ZNF841: variants seen among roughly 807,000 people sequenced by gnomAD.
ZNF841 encodes the protein zinc finger protein 841.
In ZNF841, 11 loss-of-function variants were observed where a neutral mutation model predicts 13.0. The ratio of observed to expected loss-of-function variants is 0.85; its 90% CI spans 0.53 to 1.40. The LOEUF (loss-of-function observed/expected upper bound fraction) is 1.40. Among genes scored for constraint, ZNF841 ranks in the 40% most tolerant of loss-of-function variants. The pLI is 0.00. For missense variants in ZNF841, 1,068 were observed against 1,139.5 expected, an observed-to-expected ratio of 0.94 and a Z score of 0.90; for synonymous variants, 369 against 381.6, an observed-to-expected ratio of 0.97 and a Z score of 0.38.
At chr19:52,067,918 C>T (rs1204175785) in intron 6 of ZNF841, among the ~76,000 whole-genome samples, 1 of 152,032 alleles carries the variant, frequency 6.6e-6, no homozygotes, top group Non-Finnish European at 1.5e-5. Context: ...CCAAATGACA[C>T]ACCAATTGGC....
rs563513472 is a variant in ZNF841 at position 52,067,870 on chromosome 19, A to C, written c.272-260T>G. Among the ~76,000 whole-genome samples, 6 of 152,292 alleles carry C rather than the reference A, an allele frequency of 3.9e-5. No homozygotes were observed. The South Asian group carries it at 1.2e-3, about 32-fold the overall frequency. ...CAAAAGACTCATGTTATGCAAACAT[A>C]TATGAGCACCAAAACAAGTATTTTG... On this transcript the variant is annotated intron_variant, in intron 6 of 6. Transcript: ENST00000594440.
Position 52,084,823 on chromosome 19 carries a change from C to A in ZNF841, c.-22G>T. ...CCATCCCTGGCTCCTTTTCTTTCTT[C>A]TTTCTCTCCTGGGCCTCTCTCTCAG... On this transcript the variant is annotated 5_prime_UTR_variant, in exon 4 of 7. Transcript: ENST00000594440. The A allele has an allele frequency of 6.2e-7, 1 of 1,611,988 alleles. No homozygotes were observed. Among genetic ancestry groups the A allele is most frequent in the Non-Finnish European group, 8.5e-7 (1 of 1,178,988 alleles).
intron 6 of ZNF841, among the ~76,000 whole-genome samples, chr19:52,073,918 C>T (rs538861387): frequency 2.6e-5 from 4 of 152,142 alleles, no homozygotes; most frequent in Admixed American, 1.3e-4. Context: ...TAACAAAGAA[C>T]GATCAATCTA....
At position 52,064,476 on chromosome 19, in the gene ZNF841, G is replaced by C. The variant is rs556382986; in HGVS notation, c.*631C>G. ...TACCTGAGGCTAGGTAATGTATAAA[G>C]AGGTTTAATTGACTCACAATTTTGC... On this transcript the variant is annotated 3_prime_UTR_variant, in exon 7 of 7. Coordinates refer to ENST00000594440, the MANE Select transcript of ZNF841 (RefSeq NM_001136499.2). 1.3e-5 allele frequency: 2 copies of C among 149,130 alleles called. No individual in the cohort carries two copies. The highest frequency in any genetic ancestry group is 4.3e-4 in the South Asian group (2 of 4,656). 9.2% of individuals were successfully genotyped at this position (149,130 alleles called of 1,614,324 possible).
At chr19:52,070,942 G>A (rs1285282270) in intron 6 of ZNF841, among the ~76,000 whole-genome samples, 8 of 152,134 alleles carry the variant, frequency 5.3e-5, no homozygotes, top group African/African-American at 1.9e-4. Context: ...GTTAGGAAAG[G>A]CCCAGGAGGA....
intron 2 of ZNF841, among the ~76,000 whole-genome samples, chr19:52,090,663 G>GAAAGAAAGA (rs2088451414): frequency 8.0e-6 from 1 of 124,280 alleles, no homozygotes; most frequent in African/African-American, 3.1e-5. Context: ...AGGAAAGAAA[G>GAAAGAAAGA]AAAGAAAGAA....
intron 4 of ZNF841, among the ~76,000 whole-genome samples, chr19:52,080,283 T>C (rs1187961924): frequency 2.6e-5 from 4 of 152,124 alleles, no homozygotes; most frequent in Admixed American, 2.6e-4. Context: ...AGTGAAATGA[T>C]TTTAACAACA....
At chr19:52,067,823 C>T (rs12459296) in intron 6 of ZNF841, among the ~76,000 whole-genome samples, 1 of 151,894 alleles carries the variant, frequency 6.6e-6, no homozygotes, top group Admixed American at 6.6e-5. Flanking sequence ...TTAGGAAAGC[C>T]TAGTTTCAAA....
chr19:52,076,734 G>T (rs939481709), intron 5 of ZNF841, among the ~76,000 whole-genome samples: 8 of 151,604 alleles, frequency 5.3e-5, no homozygotes, highest in South Asian at 2.1e-4. Flanking sequence ...GGTTTTACAC[G>T]TACCTCAGCT....
At chr19:52,062,596 G>A (rs981672595), downstream of ZNF841, among the ~76,000 whole-genome samples, 1 of 152,146 alleles carries the variant, frequency 6.6e-6, no homozygotes, top group Non-Finnish European at 1.5e-5. Flanking sequence ...AATGAAAGAT[G>A]TGTAGGAAAG....
At chr19:52,085,960 C>T (rs2088260202) in intron 3 of ZNF841, among the ~76,000 whole-genome samples, 1 of 152,158 alleles carries the variant, frequency 6.6e-6, no homozygotes, top group Admixed American at 6.5e-5. Flanking sequence ...CAAATATATG[C>T]TGACATGTAA....
downstream of ZNF841, among the ~76,000 whole-genome samples, chr19:52,059,634 C>T (rs912272590): frequency 3.3e-5 from 5 of 151,566 alleles, no homozygotes; most frequent in African/African-American, 1.2e-4. Flanking sequence ...GGCAACATGA[C>T]GAAACCTCAT....
chr19:52,067,694 A>C, intron 6 of ZNF841, 84 bp from the exon 7 acceptor site: 1 of 959,990 alleles, frequency 1.0e-6, no homozygotes, highest in Non-Finnish European at 1.4e-6. Context: ...TACGCTAAAC[A>C]TAATGTTTAT....
chr19:52,076,901 G>GA, intron 5 of ZNF841, 57 bp downstream of exon 5: 1 of 1,594,592 alleles, frequency 6.3e-7, no homozygotes, highest in East Asian at 2.3e-5. Context: ...ACACAATAAG[G>GA]AAAGTACAAA....
At chr19:52,090,654 G>GGAAGGAAGGAAGGAAGGAAGGAAGGAAA (rs1183196348) in intron 2 of ZNF841, among the ~76,000 whole-genome samples, 6 of 84,650 alleles carry the variant, frequency 7.1e-5, no homozygotes, top group African/African-American at 3.0e-4. Flanking sequence ...AAGGAAGGAA[G>GGAAGGAAGGAAGGAAGGAAGGAAGGAAA]GAAAGAAAGA....
chr19:52,064,188 C>CA (rs1190274882), downstream of ZNF841, among the ~76,000 whole-genome samples: 1 of 149,744 alleles, frequency 6.7e-6, no homozygotes, highest in Non-Finnish European at 1.5e-5. Flanking sequence ...ACTAAAAATA[C>CA]AAAAAAAATT....
In ZNF841 at chr19:52,064,920, C is replaced by T; in HGVS notation, c.*187G>A. The T allele has an allele frequency of 2.1e-6, 1 of 466,586 alleles. No individual in the cohort carries two copies. The highest frequency in any genetic ancestry group is 3.9e-5 in the Admixed American group (1 of 25,702). 28.9% of individuals were successfully genotyped at this position (466,586 alleles called of 1,614,324 possible). A position where few individuals can be genotyped will look rare whatever the true frequency, so the allele number is the denominator to read the frequency against. On this transcript the variant is annotated 3_prime_UTR_variant, in exon 7 of 7. Coordinates refer to ENST00000594440, the MANE Select transcript of ZNF841 (RefSeq NM_001136499.2). ...AAGTGCTGGGATTACAGGCATGAGC[C>T]AGACCTCATGAGAACTATCACAAGG...
chr19:52,090,792 T>C (rs530143932), intron 2 of ZNF841, among the ~76,000 whole-genome samples: 4 of 152,248 alleles, frequency 2.6e-5, no homozygotes, highest in Admixed American at 1.3e-4. Flanking sequence ...CTGAAGGCTA[T>C]ATGATTAAAC....
chr19:52,065,366 T>C lies in ZNF841; in HGVS notation c.2516A>G (p.His839Arg). ...AFIERSNLVY[H>R]QRNHTGEKPY... ...CTTCTCTCCAGTATGGTTTCTCTGA[T>C]GGTAAACCAAGTTTGACCTTTCGAT... is the stretch of plus-strand genomic sequence containing the variant. Residue 839 changes from histidine to arginine, a missense_variant, in exon 7 of 7, where the codon CAT becomes CGT. His to Arg is a conservative substitution (Grantham distance 29). Transcript: ENST00000594440. 3 of 1,607,914 alleles carry C rather than the reference T, an allele frequency of 1.9e-6. No individual in the cohort carries two copies. Among genetic ancestry groups the C allele is most frequent in the Non-Finnish European group, 2.5e-6 (3 of 1,176,648 alleles).
Sources: gnomAD v4.1 joint callset for allele counts (sites outside exome capture counted in the v4.1 genomes callset) on GRCh38, gnomAD v4.1.1 for gene constraint, MANE v1.5 for transcripts, NCBI Gene and HGNC (gene_info 2026-07-23, HGNC 2026-07-21) for gene names.